SLC35F4: variants seen among roughly 807,000 people sequenced by gnomAD.
SLC35F4 encodes solute carrier family 35 member F4.
SLC35F4 carries 24 observed loss-of-function variants against 44.2 expected under a neutral mutation model. The observed-to-expected ratio is 0.54, with a 90% CI of 0.39 to 0.76. SLC35F4 has a LOEUF of 0.76. SLC35F4 is among the 30% of genes least tolerant of loss of function. The pLI is 0.00. For synonymous variants in SLC35F4, 238 were observed against 223.6 expected (o/e 1.06, Z -0.57); for missense variants, 562 against 586.1 (o/e 0.96, Z 0.42).
intron 1 of SLC35F4, among the ~76,000 whole-genome samples, chr14:57,614,214 A>C (rs533314867): frequency 8.5e-5 from 13 of 152,326 alleles, no homozygotes; most frequent in African/African-American, 2.4e-4. Context: ...AAACAAGAAA[A>C]TATTGAATAA....
chr14:57,948,405 T>G (rs1282006802), intron 1 of SLC35F4, among the ~76,000 whole-genome samples: 1 of 152,194 alleles, frequency 6.6e-6, no homozygotes, highest in Non-Finnish European at 1.5e-5. Context: ...TAATTGAGCT[T>G]ATTTGGATCA....
chr14:57,649,859 A>G (rs375314734), intron 1 of SLC35F4, among the ~76,000 whole-genome samples: 3 of 152,118 alleles, frequency 2.0e-5, no homozygotes, highest in Non-Finnish European at 4.4e-5. Flanking sequence ...TGATATTTCA[A>G]AAGTTTTTCT....
At chr14:57,718,777 C>A (rs561497800) in intron 1 of SLC35F4, among the ~76,000 whole-genome samples, 2 of 152,138 alleles carry the variant, frequency 1.3e-5, no homozygotes, top group East Asian at 3.9e-4. Flanking sequence ...AATATTTTCT[C>A]CCATTTTGTG....
intron 1 of SLC35F4, among the ~76,000 whole-genome samples, chr14:57,856,351 AGTATAGACCTAG>A: frequency 6.6e-6 from 1 of 152,056 alleles, no homozygotes; most frequent in African/African-American, 2.4e-5. Context: ...GCATAGCAGG[AGTATAGACCTAG>A]GTCTTTCTGT....
chr14:57,972,757 G>A (rs1438618680), downstream of SLC35F4, among the ~76,000 whole-genome samples: 4 of 152,146 alleles, frequency 2.6e-5, no homozygotes, highest in Non-Finnish European at 4.4e-5. Flanking sequence ...AGGAGAGTGA[G>A]AGCATAGTAG....
intron 1 of SLC35F4, among the ~76,000 whole-genome samples, chr14:57,843,254 A>G (rs904694912): frequency 6.6e-6 from 1 of 152,102 alleles, no homozygotes; most frequent in African/African-American, 2.4e-5. Context: ...CTGTCCCTCT[A>G]AAGAACCCTG....
chr14:57,632,571 C>CA (rs1461430992), intron 1 of SLC35F4, among the ~76,000 whole-genome samples: 6 of 152,088 alleles, frequency 3.9e-5, no homozygotes, highest in South Asian at 2.1e-4. Flanking sequence ...CCCACACATC[C>CA]ATAGCCTCCC....
At chr14:57,952,557 T>G (rs1279175614) in intron 1 of SLC35F4, among the ~76,000 whole-genome samples, 2 of 151,862 alleles carry the variant, frequency 1.3e-5, no homozygotes, top group Admixed American at 1.3e-4. Flanking sequence ...TTAGAGGAAT[T>G]GCTAACTAGA....
chr14:57,776,462 C>A (rs190803379), intron 1 of SLC35F4, among the ~76,000 whole-genome samples: 2,487 of 152,010 alleles, frequency 0.016, 25 homozygotes, highest in Non-Finnish European at 0.02. Context: ...GTCAGGAGAT[C>A]AAGACCATCC....
chr14:57,657,926 GA>G (rs1449694521), intron 1 of SLC35F4, among the ~76,000 whole-genome samples: 1 of 152,136 alleles, frequency 6.6e-6, no homozygotes, highest in African/African-American at 2.4e-5. Context: ...TCACTTTGAG[GA>G]AGTTATTTAA....
chr14:57,923,046 T>C (rs1461400279), intron 1 of SLC35F4, among the ~76,000 whole-genome samples: 2 of 152,198 alleles, frequency 1.3e-5, no homozygotes, highest in South Asian at 4.1e-4. Flanking sequence ...GTAGGTGCCG[T>C]TGTATCTATT....
intron 1 of SLC35F4, among the ~76,000 whole-genome samples, chr14:57,648,363 G>A (rs2073634517): frequency 6.6e-6 from 1 of 152,156 alleles, no homozygotes; most frequent in Admixed American, 6.6e-5. Context: ...TTTAAAAAGA[G>A]ATATAGCTAC....
At chr14:57,946,609 G>A (rs1890036787) in intron 1 of SLC35F4, among the ~76,000 whole-genome samples, 1 of 151,422 alleles carries the variant, frequency 6.6e-6, no homozygotes. Flanking sequence ...CAAGTAGCTG[G>A]GATTACAGGC....
chr14:57,753,687 C>A (rs185836916), intron 1 of SLC35F4, among the ~76,000 whole-genome samples: 1 of 152,176 alleles, frequency 6.6e-6, no homozygotes, highest in African/African-American at 2.4e-5. Context: ...CAAGAAGGGA[C>A]TGTGAGTTCT....
At chr14:57,882,210 T>C (rs1309681197) in intron 1 of SLC35F4, among the ~76,000 whole-genome samples, 1 of 152,154 alleles carries the variant, frequency 6.6e-6, no homozygotes, top group Non-Finnish European at 1.5e-5. Context: ...CTACAGGAAC[T>C]CCTGAGTCCC....
intron 1 of SLC35F4, among the ~76,000 whole-genome samples, chr14:57,768,954 T>G (rs1163100659): frequency 6.6e-6 from 1 of 152,148 alleles, no homozygotes. Context: ...GGTTTCACCA[T>G]GTTGGCCAGG....
chr14:57,593,108 G>A (rs1776726815), intron 2 of SLC35F4, among the ~76,000 whole-genome samples: 1 of 152,170 alleles, frequency 6.6e-6, no homozygotes, highest in African/African-American at 2.4e-5. Context: ...CAAAAGCACA[G>A]AGACATTCTG....
At chr14:57,802,635 T>G (rs892001713) in intron 1 of SLC35F4, among the ~76,000 whole-genome samples, 5 of 152,032 alleles carry the variant, frequency 3.3e-5, no homozygotes, top group African/African-American at 1.2e-4. Context: ...AAGGGGACAT[T>G]ACCACTGACT....
chr14:57,953,535 T>C (rs937940739), intron 1 of SLC35F4, among the ~76,000 whole-genome samples: 17 of 152,136 alleles, frequency 1.1e-4, no homozygotes, highest in African/African-American at 4.1e-4. Flanking sequence ...AGGAGAACCA[T>C]CTCATGTGAA....
Sources: gnomAD v4.1 joint callset for allele counts (sites outside exome capture counted in the v4.1 genomes callset) on GRCh38, gnomAD v4.1.1 for gene constraint, MANE v1.5 for transcripts, NCBI Gene and HGNC (gene_info 2026-07-23, HGNC 2026-07-21) for gene names.